Variants in MSI1 observed in about 807,000 individuals in gnomAD.
MSI1 encodes the protein musashi RNA binding protein 1.
A neutral mutation model predicts 54.4 loss-of-function variants in MSI1; 15 were observed. The ratio of observed to expected loss-of-function variants is 0.28; its 90% confidence interval spans 0.18 to 0.42. The LOEUF is 0.42. MSI1 is among the 20% of genes least tolerant of loss of function. MSI1 has a pLI of 1.00. For missense variants in MSI1, 304 were observed against 506.0 expected (o/e 0.60, Z 3.83); for synonymous variants, 200 against 196.5 (o/e 1.02, Z -0.15).
chr12:120,359,993 C>CT (rs897580655), intron 6 of MSI1, among the ~76,000 whole-genome samples: 12 of 151,212 alleles, frequency 7.9e-5, no homozygotes, highest in Admixed American at 5.3e-4. Context: ...CCACCACCTT[C>CT]TTTTTTTTTG....
rs898167527 is a variant in MSI1 at position 120,363,200 on chromosome 12, C to T, written c.310-65G>A. 8 of 1,400,256 alleles carry T rather than the reference C, an allele frequency of 5.7e-6. No individual in the cohort carries two copies. The African/African-American group carries it at 1.1e-4, about 20-fold the overall frequency. 86.7% of individuals were successfully genotyped at this position (1,400,256 alleles called of 1,614,324 possible). A position where few individuals can be genotyped will look rare whatever the true frequency, so the allele number is the denominator to read the frequency against. On this transcript the variant is annotated intron_variant, in intron 5 of 14. Coordinates refer to ENST00000257552, the MANE Select transcript of MSI1 (RefSeq NM_002442.4). ...TGTGGCCTACCGCCACCAGCAGGGGCTCGAGCCCCCCTGCCAGGATGCCAG... is the reference window on the plus strand; with the variant it reads ...TGTGGCCTACCGCCACCAGCAGGGGTTCGAGCCCCCCTGCCAGGATGCCAG...
rs747912522 is a variant in MSI1, at chr12:120,345,623, T to G, written c.1057A>C (p.Ile353Leu). 8 of 1,613,370 alleles carry G rather than the reference T, an allele frequency of 5.0e-6. No individual in the cohort carries two copies. Among genetic ancestry groups the G allele is most frequent in the Non-Finnish European group, 6.8e-6 (8 of 1,179,850 alleles). Reference sequence around the variant, plus strand: ...TACCCATTGGTGAAGGCTGTGGCAATCAAAGGGCCCTGAAAAGGAAAGAAT... The same window carrying G: ...TACCCATTGGTGAAGGCTGTGGCAAGCAAAGGGCCCTGAAAAGGAAAGAAT... ...GFGHSLGGPL[I>L]ATAFTNGYH Residue 353 changes from isoleucine (I) to leucine (L), a missense_variant, in exon 14 of 15, where the codon ATT (isoleucine) becomes CTT (leucine). Transcript: ENST00000257552.
intron 11 of MSI1, among the ~76,000 whole-genome samples, chr12:120,348,939 A>G (rs945151508): frequency 6.6e-6 from 1 of 151,224 alleles, no homozygotes; most frequent in Non-Finnish European, 1.5e-5. Context: ...GGGTCTTGGT[A>G]TGTTGCCCAA....
At chr12:120,367,553 G>C (rs1248587300) in intron 4 of MSI1, among the ~76,000 whole-genome samples, 1 of 152,172 alleles carries the variant, frequency 6.6e-6, no homozygotes, top group African/African-American at 2.4e-5. Flanking sequence ...GGGAAGGAGA[G>C]AGGGAGGGGG....
intron 6 of MSI1, among the ~76,000 whole-genome samples, 188 bp from the exon 7 acceptor site, chr12:120,359,241 C>CA (rs1875422817): frequency 6.6e-6 from 1 of 152,210 alleles, no homozygotes; most frequent in Non-Finnish European, 1.5e-5. Flanking sequence ...ACCATCATCT[C>CA]AATGCACCAG....
chr12:120,340,102 T>TC (rs1873617647), downstream of MSI1, among the ~76,000 whole-genome samples: 1 of 149,508 alleles, frequency 6.7e-6, no homozygotes, highest in Non-Finnish European at 1.5e-5. Flanking sequence ...TTTTTTTTTT[T>TC]CTTTGAGACA....
intron 9 of MSI1, among the ~76,000 whole-genome samples, chr12:120,355,415 A>C (rs1051734725): frequency 6.6e-6 from 1 of 151,986 alleles, no homozygotes; most frequent in East Asian, 1.9e-4. Context: ...AAAAAAAAAA[A>C]AAAAGAAAGA....
At chr12:120,364,603 C>A in intron 5 of MSI1, 111 bp downstream of exon 5, 3 of 1,073,786 alleles carry the variant, frequency 2.8e-6, no homozygotes, top group Non-Finnish European at 3.9e-6. Context: ...ATTCCACAAA[C>A]ACTCCAAGCA....
chr12:120,357,089 G>C, intron 8 of MSI1, 70 bp from the exon 9 acceptor site: 1 of 1,361,404 alleles, frequency 7.3e-7, no homozygotes, highest in Non-Finnish European at 1.0e-6. Flanking sequence ...TCCCTGGAAA[G>C]CCCCTTTATT....
chr12:120,356,792 T>C (rs1875161048), intron 9 of MSI1, 110 bp downstream of exon 9: 2 of 961,732 alleles, frequency 2.1e-6, no homozygotes, highest in Admixed American at 1.8e-5. Context: ...GCTCAATGAC[T>C]CAGACAGGAG....
chr12:120,347,877 G>A (rs1331228836), intron 11 of MSI1, among the ~76,000 whole-genome samples: 1 of 152,180 alleles, frequency 6.6e-6, no homozygotes, highest in African/African-American at 2.4e-5. Flanking sequence ...GGATGCCCTT[G>A]GCAAAACAGG....
downstream of MSI1, among the ~76,000 whole-genome samples, chr12:120,340,316 T>G (rs1254922999): frequency 6.6e-6 from 1 of 152,164 alleles, no homozygotes; most frequent in East Asian, 1.9e-4. Flanking sequence ...ACACCTGAGC[T>G]CAGGCGATCC....
chr12:120,357,957 A>C, intron 7 of MSI1, 59 bp from the exon 8 acceptor site: 58 of 1,467,216 alleles, frequency 4.0e-5, no homozygotes, highest in Middle Eastern at 1.7e-4. Flanking sequence ...GTCAAAACTC[A>C]ACCCCAGGTC....
In MSI1 at chr12:120,356,876, AGCCGCAGGC is replaced by A. The variant is rs751213592; in HGVS notation, c.652+17_652+25del. 3.7e-6 allele frequency: 6 copies of A among 1,603,688 alleles called. No individual in the cohort carries two copies. Among genetic ancestry groups the A allele is most frequent in the Non-Finnish European group, 4.3e-6 (5 of 1,172,426 alleles). On this transcript the variant is annotated intron_variant, in intron 9 of 14. Transcript: ENST00000257552. ...CCTGGGAGCAGTTCTGGCAGAAAGA[AGCCGCAGGC>A]GCAGGCTCGCGCATACCCAGCATGC...
At chr12:120,349,381 G>A (rs537739646) in intron 11 of MSI1, among the ~76,000 whole-genome samples, 1 of 152,152 alleles carries the variant, frequency 6.6e-6, no homozygotes, top group Admixed American at 6.5e-5. Context: ...TTACAGGCAT[G>A]CACCACCACG....
intron 6 of MSI1, among the ~76,000 whole-genome samples, chr12:120,362,167 C>G (rs549887283): frequency 2.6e-5 from 4 of 151,964 alleles, no homozygotes; most frequent in Admixed American, 6.5e-5. Flanking sequence ...CTCCCCCCCC[C>G]ACACAATCCC....
intron 4 of MSI1, 142 bp from the exon 5 acceptor site, chr12:120,364,897 T>C: frequency 1.6e-6 from 1 of 643,972 alleles, no homozygotes; most frequent in Non-Finnish European, 2.6e-6. Flanking sequence ...GAGGAGAGAA[T>C]AGTGGTTAAG....
Position 120,347,498 on chromosome 12 carries a change from G to A in MSI1, c.807C>T (p.Ala269=), listed in dbSNP as rs1874235479. The A allele has an allele frequency of 6.2e-7, 1 of 1,614,158 alleles. No individual in the cohort carries two copies. Among genetic ancestry groups the A allele is most frequent in the East Asian group, 2.2e-5 (1 of 44,880 alleles). The change falls in exon 12 of 15, where the codon GCC becomes GCT. Residue 269 remains alanine (A), a synonymous_variant. Transcript: ENST00000257552. The part of the protein sequence containing the change: ...LPELTAIPLT[A]YGPMAAAAAA... ...CCGCTGCCGCCGCCATTGGTCCGTA[G>A]GCAGTGAGAGGAATGGCTGAAAGGA...
intron 11 of MSI1, among the ~76,000 whole-genome samples, chr12:120,348,989 T>C (rs1342360459): frequency 6.6e-6 from 1 of 152,034 alleles, no homozygotes; most frequent in Non-Finnish European, 1.5e-5. Flanking sequence ...TCCTCCTGTG[T>C]TGGCCTCTCA....
Sources: allele counts gnomAD v4.1 joint callset (sites outside exome capture counted in the v4.1 genomes callset), GRCh38; gene constraint gnomAD v4.1.1; transcripts MANE v1.5; gene names NCBI Gene and HGNC (gene_info 2026-07-23, HGNC 2026-07-21).